Variants in CHCHD6 observed in about 807,000 individuals in gnomAD.
CHCHD6 encodes the protein MICOS complex subunit MIC25.
Under a neutral mutation model 32.3 loss-of-function variants are expected in CHCHD6, and 28 were observed. The ratio of observed to expected loss-of-function variants is 0.87; its 90% confidence interval spans 0.64 to 1.19. CHCHD6 has a LOEUF of 1.19. Ranked by LOEUF, CHCHD6 falls within the 50% of genes most tolerant of loss-of-function variation. The probability of loss-of-function intolerance (pLI) is 0.00; values close to 1 mark genes in which losing one functional copy is unlikely to be tolerated. For missense variants in CHCHD6, 333 were observed against 307.0 expected (o/e 1.08, Z -0.63); for synonymous variants, 122 against 117.5 (o/e 1.04, Z -0.25).
intron 4 of CHCHD6, chr3:126,766,838 A>C: frequency 1.0e-6 from 1 of 965,480 alleles, no homozygotes. Context: ...TAGATCTGGG[A>C]CACCCGATGT....
chr3:126,774,768 A>G (rs760533011), intron 4 of CHCHD6, among the ~76,000 whole-genome samples: 7 of 152,136 alleles, frequency 4.6e-5, no homozygotes, highest in Non-Finnish European at 8.8e-5. Context: ...CAGTGCAGCT[A>G]TTTCTGTGGT....
At chr3:126,908,970 T>C (rs1429469166) in intron 5 of CHCHD6, among the ~76,000 whole-genome samples, 1 of 152,244 alleles carries the variant, frequency 6.6e-6, no homozygotes, top group Non-Finnish European at 1.5e-5. Flanking sequence ...GACCACGGCA[T>C]GCACACGTTG....
Position 126,704,262 on chromosome 3 carries a change from T to G in CHCHD6, c.-51T>G, listed in dbSNP as rs371171901. The stretch of plus-strand genomic sequence containing the variant: ...TGGAAAGCGTTGTTGGCCCGGTTGC[T>G]CTGGAGCCGGGTCTCGGGTCTGGTG... On this transcript the variant is annotated 5_prime_UTR_variant, in exon 1 of 8. Coordinates refer to ENST00000290913, the MANE Select transcript of CHCHD6 (RefSeq NM_032343.3). 6.8e-7 allele frequency: 1 copy of G among 1,479,240 alleles called. No individual in the cohort carries two copies. The highest frequency in any genetic ancestry group is 1.2e-5 in the South Asian group (1 of 86,800). 91.6% of individuals were successfully genotyped at this position (1,479,240 alleles called of 1,614,324 possible).
At chr3:126,765,526 G>A (rs189827068) in intron 4 of CHCHD6, among the ~76,000 whole-genome samples, 15 of 152,320 alleles carry the variant, frequency 9.8e-5, no homozygotes, top group Admixed American at 6.5e-4. Flanking sequence ...ACGGTACCCC[G>A]AGTCTCAGTA....
intron 4 of CHCHD6, among the ~76,000 whole-genome samples, chr3:126,817,022 T>A (rs1034071567): frequency 3.3e-5 from 5 of 152,290 alleles, no homozygotes; most frequent in East Asian, 1.9e-4. Flanking sequence ...TTCATCCATG[T>A]CCCTACAAAG....
At chr3:126,863,433 C>T (rs1442780372) in intron 5 of CHCHD6, among the ~76,000 whole-genome samples, 5 of 142,848 alleles carry the variant, frequency 3.5e-5, no homozygotes, top group African/African-American at 2.6e-5. Context: ...CCTCCTCCTC[C>T]ACCATCACCT....
At chr3:126,861,323 G>A (rs1941853356) in intron 5 of CHCHD6, among the ~76,000 whole-genome samples, 1 of 151,932 alleles carries the variant, frequency 6.6e-6, no homozygotes, top group African/African-American at 2.4e-5. Flanking sequence ...TTCCCAACGT[G>A]TGTACTAACC....
chr3:126,887,680 T>C (rs1453498229), intron 5 of CHCHD6, among the ~76,000 whole-genome samples: 1 of 152,136 alleles, frequency 6.6e-6, no homozygotes, highest in Non-Finnish European at 1.5e-5. Flanking sequence ...CTCCAGATGC[T>C]GACCAAAACA....
intron 6 of CHCHD6, among the ~76,000 whole-genome samples, chr3:126,944,234 G>C (rs1387332887): frequency 6.6e-6 from 1 of 152,256 alleles, no homozygotes; most frequent in African/African-American, 2.4e-5. Context: ...TCAGCCAGGG[G>C]CTGGGCACAT....
At chr3:126,901,309 G>A (rs1355328506) in intron 5 of CHCHD6, among the ~76,000 whole-genome samples, 1 of 152,200 alleles carries the variant, frequency 6.6e-6, no homozygotes, top group South Asian at 2.1e-4. Context: ...GGGAGGCGCT[G>A]TCTGTGTCTC....
intron 4 of CHCHD6, among the ~76,000 whole-genome samples, chr3:126,753,007 G>A (rs1251652963): frequency 2.0e-5 from 3 of 152,128 alleles, no homozygotes; most frequent in African/African-American, 7.2e-5. Context: ...TGTGTCTGTG[G>A]ACTGCTTCCC....
intron 4 of CHCHD6, among the ~76,000 whole-genome samples, chr3:126,805,416 CAGAG>C (rs1331265891): frequency 3.3e-5 from 5 of 151,982 alleles, no homozygotes; most frequent in East Asian, 1.9e-4. Context: ...AACAGACAAA[CAGAG>C]AGCCAAATCA....
chr3:126,870,026 G>C (rs1328743079), intron 5 of CHCHD6, among the ~76,000 whole-genome samples: 2 of 152,180 alleles, frequency 1.3e-5, no homozygotes, highest in African/African-American at 4.8e-5. Context: ...GCAGCTCCCA[G>C]GTTGGAAAAG....
chr3:126,821,781 G>A (rs760265744), intron 4 of CHCHD6, among the ~76,000 whole-genome samples: 1 of 150,852 alleles, frequency 6.6e-6, no homozygotes, highest in African/African-American at 2.5e-5. Flanking sequence ...TGAGTGTGAA[G>A]TGGTATCTCA....
At chr3:126,807,201 A>C (rs1939435164) in intron 4 of CHCHD6, among the ~76,000 whole-genome samples, 1 of 152,218 alleles carries the variant, frequency 6.6e-6, no homozygotes, top group East Asian at 1.9e-4. Flanking sequence ...AGTATAAAAA[A>C]AAAAAAATTG....
At chr3:126,771,876 C>T (rs1011154098) in intron 4 of CHCHD6, among the ~76,000 whole-genome samples, 6 of 152,176 alleles carry the variant, frequency 3.9e-5, no homozygotes, top group Admixed American at 1.3e-4. Context: ...TTGTTTTCTT[C>T]CTTAATTTCA....
intron 4 of CHCHD6, among the ~76,000 whole-genome samples, chr3:126,780,129 T>C (rs1937863841): frequency 6.6e-6 from 1 of 152,224 alleles, no homozygotes; most frequent in Admixed American, 6.5e-5. Context: ...CATCTGTGTT[T>C]GTCACACTAA....
At chr3:126,750,863 G>A (rs1476137101) in intron 4 of CHCHD6, among the ~76,000 whole-genome samples, 3 of 152,210 alleles carry the variant, frequency 2.0e-5, no homozygotes, top group African/African-American at 2.4e-5. Context: ...ATGAGGAATC[G>A]ATGAAATTCC....
intron 4 of CHCHD6, among the ~76,000 whole-genome samples, chr3:126,815,637 G>A (rs1939855557): frequency 8.7e-6 from 1 of 115,124 alleles, no homozygotes; most frequent in South Asian, 3.7e-4. Context: ...GCTCCTGTGG[G>A]TTCTTGCCCC....
Sources: allele counts gnomAD v4.1 joint callset (sites outside exome capture counted in the v4.1 genomes callset), GRCh38; gene constraint gnomAD v4.1.1; transcripts MANE v1.5; gene names NCBI Gene and HGNC (gene_info 2026-07-23, HGNC 2026-07-21).